The following RIMS1 variants were observed in gnomAD, a reference collection of about 807,000 sequenced individuals.
RIMS1 encodes the protein regulating synaptic membrane exocytosis 1.
In RIMS1, 83 loss-of-function variants were observed where a neutral mutation model predicts 214.1. That is an observed-to-expected ratio of 0.39 (90% CI 0.32 to 0.47). The LOEUF (loss-of-function observed/expected upper bound fraction) is 0.47, where lower values mean the gene tolerates loss of function less well. Ranked by LOEUF, RIMS1 falls within the 20% of genes least tolerant of loss-of-function variation. The pLI, the probability that RIMS1 is intolerant of heterozygous loss-of-function variation, is 0.99. For synonymous variants in RIMS1, 793 were observed against 786.8 expected, an observed-to-expected ratio of 1.01 and a Z score of -0.13; for missense variants, 2,050 against 2,161.8, an observed-to-expected ratio of 0.95 and a Z score of 1.03.
intron 17 of RIMS1, 134 bp downstream of exon 17, chr6:72,258,415 ATT>A: frequency 1.0e-6 from 1 of 955,884 alleles, no homozygotes; most frequent in Non-Finnish European, 1.5e-6. Flanking sequence ...TGTAGGCAAA[ATT>A]TTTTTTATTC....
At chr6:71,947,104 G>A (rs537052748) in intron 1 of RIMS1, among the ~76,000 whole-genome samples, 5 of 151,964 alleles carry the variant, frequency 3.3e-5, no homozygotes, top group East Asian at 1.9e-4. Flanking sequence ...ACTTTACACC[G>A]TTAAAATGGC....
intron 4 of RIMS1, among the ~76,000 whole-genome samples, chr6:72,132,355 A>G (rs1430132958): frequency 6.6e-6 from 1 of 152,212 alleles, no homozygotes; most frequent in Non-Finnish European, 1.5e-5. Context: ...TTCTTCTGCC[A>G]TGGCTTCAGT....
chr6:72,360,682 T>C (rs1030908916), intron 29 of RIMS1, among the ~76,000 whole-genome samples: 1 of 149,200 alleles, frequency 6.7e-6, no homozygotes, highest in Non-Finnish European at 1.5e-5. Flanking sequence ...ATATTTAATA[T>C]ATTCTATACT....
intron 4 of RIMS1, among the ~76,000 whole-genome samples, chr6:72,126,356 G>C (rs1387226835): frequency 6.6e-6 from 1 of 152,114 alleles, no homozygotes; most frequent in Admixed American, 6.5e-5. Context: ...CTAGACATTA[G>C]TTTGGCAAAA....
intron 4 of RIMS1, among the ~76,000 whole-genome samples, chr6:72,164,576 A>G (rs1405934388): frequency 6.6e-6 from 1 of 152,174 alleles, no homozygotes; most frequent in African/African-American, 2.4e-5. Context: ...TGATGTTCCT[A>G]TATGTTGTTT....
chr6:71,939,156 G>C (rs1460874484), intron 1 of RIMS1, among the ~76,000 whole-genome samples: 1 of 152,144 alleles, frequency 6.6e-6, no homozygotes, highest in Non-Finnish European at 1.5e-5. Context: ...ATATAACAAA[G>C]ATGGCCTTTA....
chr6:72,217,690 G>A (rs1162612626), intron 6 of RIMS1, among the ~76,000 whole-genome samples: 1 of 152,132 alleles, frequency 6.6e-6, no homozygotes, highest in Non-Finnish European at 1.5e-5. Flanking sequence ...TAGAAAAAAT[G>A]CTGACCAGGT....
chr6:72,144,890 T>C lies in RIMS1; in HGVS notation c.472-34685T>C, dbSNP rs1381286572. Reference sequence around the variant, plus strand: ...AAGGATTTTTTTTCTTTCTTTTTTCTTTTTTTTTTTCGAGATGGAGTTTCG... The same window carrying C: ...AAGGATTTTTTTTCTTTCTTTTTTCCTTTTTTTTTTCGAGATGGAGTTTCG... On this transcript the variant is annotated intron_variant, in intron 4 of 33. Transcript: ENST00000521978. 4.1e-5 allele frequency among the ~76,000 whole-genome samples: 6 copies of C among 144,676 alleles called. No homozygotes were observed. The East Asian group carries it at 1.2e-3, about 28-fold the overall frequency. The allele number at this position is 144,676 out of a possible 152,430, so 94.9% of individuals were successfully genotyped here.
chr6:72,045,471 A>G (rs538737338), intron 2 of RIMS1, among the ~76,000 whole-genome samples: 1 of 151,998 alleles, frequency 6.6e-6, no homozygotes, highest in South Asian at 2.1e-4. Flanking sequence ...ATTTAATCTC[A>G]TGGATAAAAT....
At chr6:72,095,338 C>T (rs1271007841) in intron 2 of RIMS1, among the ~76,000 whole-genome samples, 1 of 151,992 alleles carries the variant, frequency 6.6e-6, no homozygotes, top group South Asian at 2.1e-4. Context: ...TTTGAAATAA[C>T]AAGTGCCCAC....
chr6:72,331,855 T>C (rs933432759), intron 28 of RIMS1, among the ~76,000 whole-genome samples: 1 of 151,854 alleles, frequency 6.6e-6, no homozygotes, highest in Non-Finnish European at 1.5e-5. Context: ...ATTATCAGAA[T>C]TTTGATGTGG....
chr6:72,237,296 A>G (rs1048425673), intron 8 of RIMS1, among the ~76,000 whole-genome samples: 2 of 151,880 alleles, frequency 1.3e-5, no homozygotes, highest in African/African-American at 4.8e-5. Flanking sequence ...AAAGAAAGAA[A>G]TCAGTACACA....
intron 2 of RIMS1, among the ~76,000 whole-genome samples, chr6:71,993,578 T>A (rs1488725116): frequency 1.3e-5 from 2 of 152,180 alleles, no homozygotes; most frequent in Admixed American, 1.3e-4. Context: ...CTTCTTTCTG[T>A]CTTCGGTACA....
chr6:71,934,383 C>T (rs908009997), intron 1 of RIMS1, among the ~76,000 whole-genome samples: 5 of 152,164 alleles, frequency 3.3e-5, no homozygotes, highest in Admixed American at 2.6e-4. Context: ...TCAAGTATTA[C>T]AATTATCTAC....
chr6:72,000,766 A>C (rs913881461), intron 2 of RIMS1, among the ~76,000 whole-genome samples: 2 of 152,118 alleles, frequency 1.3e-5, no homozygotes, highest in Admixed American at 6.6e-5. Flanking sequence ...TCAGCTTTAG[A>C]CATTTGCCAT....
At chr6:72,233,915 A>C (rs1204765375) in intron 7 of RIMS1, 75 bp downstream of exon 7, 2 of 914,756 alleles carry the variant, frequency 2.2e-6, no homozygotes, top group Non-Finnish European at 3.5e-6. Flanking sequence ...CTGATATGTG[A>C]TATCTGCTCT....
At chr6:72,351,166 G>T (rs2097433321) in intron 29 of RIMS1, among the ~76,000 whole-genome samples, 1 of 150,732 alleles carries the variant, frequency 6.6e-6, no homozygotes, top group Admixed American at 6.6e-5. Context: ...TTTATTCTTA[G>T]TTGTATCCTA....
At chr6:72,258,089 TACTG>T (rs1464448289) in intron 16 of RIMS1, 32 bp from the exon 17 acceptor site, 3 of 1,590,650 alleles carry the variant, frequency 1.9e-6, no homozygotes, top group Non-Finnish European at 2.6e-6. Context: ...TATAGAAGAA[TACTG>T]ACTAAATTTT....
intron 10 of RIMS1, among the ~76,000 whole-genome samples, chr6:72,243,205 A>T (rs982418993): frequency 6.6e-6 from 1 of 151,766 alleles, no homozygotes; most frequent in Non-Finnish European, 1.5e-5. Flanking sequence ...ATTCTCCAAA[A>T]TTTAATACAG....
Sources: gnomAD v4.1 joint callset for allele counts (sites outside exome capture counted in the v4.1 genomes callset) on GRCh38, gnomAD v4.1.1 for gene constraint, MANE v1.5 for transcripts, NCBI Gene and HGNC (gene_info 2026-07-23, HGNC 2026-07-21) for gene names.